The following ELP2 variants were observed in gnomAD, a reference collection of about 807,000 sequenced individuals.
ELP2 encodes the protein elongator complex protein 2.
In ELP2, 90 loss-of-function variants were observed where a neutral mutation model predicts 119.2. The observed-to-expected ratio is 0.75, with a 90% CI of 0.64 to 0.90. The LOEUF is 0.90. Ranked by LOEUF, ELP2 falls within the 40% of genes least tolerant of loss-of-function variation. The pLI is 0.00. For missense variants in ELP2, 921 were observed against 967.8 expected, an observed-to-expected ratio of 0.95 and a Z score of 0.64; for synonymous variants, 339 against 331.0, an observed-to-expected ratio of 1.02 and a Z score of -0.26.
chr18:36,144,936 T>G lies in ELP2; in HGVS notation c.797-3T>G. The G allele has an allele frequency of 1.2e-6, 2 of 1,608,678 alleles. No homozygotes were observed. The highest frequency in any genetic ancestry group is 1.7e-6 in the Non-Finnish European group (2 of 1,175,042). On this transcript the variant is annotated splice_region_variant and splice_polypyrimidine_tract_variant and intron_variant, in intron 8 of 21. Transcript: ENST00000358232. ...AATAATACCTTCATTGCTTTTGTTATAGGTGTTAAAATAGCATTTGCTGTT... is the reference window on the plus strand; with the variant it reads ...AATAATACCTTCATTGCTTTTGTTAGAGGTGTTAAAATAGCATTTGCTGTT...
At chr18:36,143,018 G>T in intron 8 of ELP2, 52 bp downstream of exon 8, 1 of 1,397,954 alleles carries the variant, frequency 7.2e-7, no homozygotes, top group African/African-American at 1.5e-5. Context: ...CTCCTAGTTG[G>T]TTGATTTTTT....
intron 5 of ELP2, chr18:36,139,711 G>T (rs1369274119): frequency 8.9e-7 from 1 of 1,123,416 alleles, no homozygotes; most frequent in Admixed American, 2.8e-5. Flanking sequence ...GGCAAGGCAT[G>T]TCCTTAGAAA....
At chr18:36,135,521 G>A (rs1009150598) in intron 2 of ELP2, among the ~76,000 whole-genome samples, 4 of 152,144 alleles carry the variant, frequency 2.6e-5, no homozygotes, top group African/African-American at 9.7e-5. Flanking sequence ...TAGTCCAGCT[G>A]CTTCCCTGAA....
intron 19 of ELP2, chr18:36,169,810 CTG>C (rs2091023550): frequency 3.8e-6 from 2 of 523,698 alleles, no homozygotes; most frequent in Admixed American, 6.0e-5. Context: ...AGACACCTCT[CTG>C]TGGTCTCTGG....
chr18:36,159,139 G>A (rs1204420646), intron 14 of ELP2, among the ~76,000 whole-genome samples: 1 of 145,938 alleles, frequency 6.9e-6, no homozygotes, highest in Non-Finnish European at 1.5e-5. Flanking sequence ...TTGAGACAGA[G>A]TCTTGCTCTG....
rs2090321214 is a variant in ELP2, at chr18:36,149,482, T to TG, written c.1125+3102dup. Among the ~76,000 whole-genome samples, 6 of 109,334 alleles carry TG rather than the reference T, an allele frequency of 5.5e-5. No homozygotes were observed. In the East Asian group the frequency reaches 1.5e-3, roughly 27 times the overall value. The allele number at this position is 109,334 out of a possible 152,430, so 71.7% of individuals were successfully genotyped here. On this transcript the variant is annotated intron_variant, in intron 11 of 21. Coordinates refer to ENST00000358232, the MANE Select transcript of ELP2 (RefSeq NM_018255.4). ...AACATAGTTGCAGGGTTTTTTGTTT[T>TG]GTTTTGTTTTTTTTTTTTTTGCTTA... is the stretch of plus-strand genomic sequence containing the variant.
chr18:36,132,423 T>G (rs1184142141), intron 1 of ELP2, among the ~76,000 whole-genome samples: 1 of 152,168 alleles, frequency 6.6e-6, no homozygotes, highest in African/African-American at 2.4e-5. Context: ...AACCTATATG[T>G]GAAATATATT....
Position 36,130,061 on chromosome 18 carries a change from A to C in ELP2, c.128A>C (p.Tyr43Ser), listed in dbSNP as rs1043963940. The C allele has an allele frequency of 1.9e-6, 3 of 1,614,112 alleles. No individual in the cohort carries two copies. The highest frequency in any genetic ancestry group is 2.5e-6 in the Non-Finnish European group (3 of 1,180,000). The change falls in exon 1 of 22, where the codon TAT becomes TCT. Residue 43 changes from tyrosine to serine, a missense_variant. Tyr to Ser is a moderately radical substitution (Grantham distance 144). Transcript: ENST00000358232. ...GGCACGTCCTGCTCCGTGGTGCTCT[A>C]TGACCCCCTGGTAAGAGAGGTCGCT... ...AFGTSCSVVL[Y>S]DPLKRVVVTN...
rs1489529955 is a variant in ELP2 at position 36,144,974 on chromosome 18, G to A, written c.832G>A (p.Val278Met). The A allele has an allele frequency of 6.2e-7, 1 of 1,614,016 alleles. No individual in the cohort carries two copies. The highest frequency in any genetic ancestry group is 1.7e-5 in the Admixed American group (1 of 60,028). Residue 278 changes from valine (V) to methionine (M), a missense_variant, in exon 9 of 22, where the codon GTG becomes ATG. Coordinates refer to ENST00000358232, the MANE Select transcript of ELP2 (RefSeq NM_018255.4). Reference sequence around the variant, plus strand: ...AGCATTTGCTGTTACTCTGGAGACAGTGCTAGCCGGTCATGAAAACTGGGT... The same window carrying A: ...AGCATTTGCTGTTACTCTGGAGACAATGCTAGCCGGTCATGAAAACTGGGT... Reference protein sequence around the residue: ...KIAFAVTLETVLAGHENWVNA... With the variant: ...KIAFAVTLETMLAGHENWVNA...
intron 11 of ELP2, among the ~76,000 whole-genome samples, chr18:36,154,428 A>G (rs2090499086): frequency 6.6e-6 from 1 of 152,214 alleles, no homozygotes; most frequent in Non-Finnish European, 1.5e-5. Context: ...TACATTTTAT[A>G]CAATTTTTAT....
intron 2 of ELP2, 96 bp from the exon 3 acceptor site, chr18:36,136,211 G>T: frequency 1.2e-6 from 1 of 860,766 alleles, no homozygotes; most frequent in South Asian, 1.4e-5. Flanking sequence ...TCTAGGTAGA[G>T]GGTACAGGGG....
chr18:36,174,201 A>T (rs965879424), intron 21 of ELP2, among the ~76,000 whole-genome samples: 15 of 152,304 alleles, frequency 9.8e-5, no homozygotes, highest in East Asian at 7.7e-4. Context: ...ACATTCATTT[A>T]AAAAAATTTT....
At chr18:36,137,929 G>A (rs1369564223) in intron 3 of ELP2, among the ~76,000 whole-genome samples, 1 of 152,044 alleles carries the variant, frequency 6.6e-6, no homozygotes, top group African/African-American at 2.4e-5. Context: ...CCTCCTGATG[G>A]GATGTGCTTA....
Position 36,138,947 on chromosome 18 carries a change from A to G in ELP2, c.523+75A>G, listed in dbSNP as rs537978540. ...GTCATATGATTAGAACCTAAAAGAAATGTATTGGGTCTTAATTTTGTATCT... is the reference window on the plus strand; with the variant it reads ...GTCATATGATTAGAACCTAAAAGAAGTGTATTGGGTCTTAATTTTGTATCT... On this transcript the variant is annotated intron_variant, in intron 5 of 21. Transcript: ENST00000358232. The G allele has an allele frequency of 1.2e-4, 125 of 1,085,990 alleles. No individual in the cohort carries two copies. The African/African-American group carries it at 1.6e-3, about 14-fold the overall frequency. The allele number at this position is 1,085,990 out of a possible 1,614,324, so 67.3% of individuals were successfully genotyped here. A position where few individuals can be genotyped will look rare whatever the true frequency, so the allele number is the denominator to read the frequency against.
In ELP2 at chr18:36,138,253, C is replaced by T. The variant is rs373862565; in HGVS notation, c.289-17C>T. The T allele has an allele frequency of 2.5e-6, 4 of 1,613,660 alleles. No homozygotes were observed. Among genetic ancestry groups the T allele is most frequent in the Non-Finnish European group, 3.4e-6 (4 of 1,179,844 alleles). On this transcript the variant is annotated splice_polypyrimidine_tract_variant and intron_variant, in intron 3 of 21. Coordinates refer to ENST00000358232, the MANE Select transcript of ELP2 (RefSeq NM_018255.4). ...ATCCTTTTTTTCACAATGCTTCTGTCATTCTTTCTGATTCAGCTTTTAAAA... is the reference window on the plus strand; with the variant it reads ...ATCCTTTTTTTCACAATGCTTCTGTTATTCTTTCTGATTCAGCTTTTAAAA...
At chr18:36,136,774 T>C (rs565460605) in intron 3 of ELP2, 10 of 172,638 alleles carry the variant, frequency 5.8e-5, no homozygotes, top group Non-Finnish European at 8.7e-5. Context: ...TTGTATGCTG[T>C]TAACTGTCTC....
rs1439340100 is a variant in ELP2 at position 36,175,213 on chromosome 18, A to G, written c.*572A>G. ...CTTTCTTCATGACTGGATTTGCCCA[A>G]TTTTGTGTTATTTTGGGACTTAATT... On this transcript the variant is annotated 3_prime_UTR_variant, in exon 22 of 22. Coordinates refer to ENST00000358232, the MANE Select transcript of ELP2 (RefSeq NM_018255.4). 6.6e-6 allele frequency: 1 copy of G among 152,286 alleles called. No individual in the cohort carries two copies. Among genetic ancestry groups the G allele is most frequent in the South Asian group, 2.1e-4 (1 of 4,840 alleles). 9.4% of individuals were successfully genotyped at this position (152,286 alleles called of 1,614,324 possible). A position where few individuals can be genotyped will look rare whatever the true frequency, so the allele number is the denominator to read the frequency against.
At chr18:36,145,129 T>C (rs568797740) in intron 9 of ELP2, 95 bp downstream of exon 9, 1 of 929,654 alleles carries the variant, frequency 1.1e-6, no homozygotes, top group Non-Finnish European at 1.8e-6. Flanking sequence ...TTACTGTGAT[T>C]AGAAATCTCA....
At chr18:36,154,758 G>A (rs1257289434) in intron 11 of ELP2, 92 bp from the exon 12 acceptor site, 12 of 1,420,622 alleles carry the variant, frequency 8.4e-6, no homozygotes, top group Admixed American at 1.7e-5. Flanking sequence ...TTGCCAGAGG[G>A]CTTTAGTCTT....
Sources: gnomAD v4.1 joint callset for allele counts (sites outside exome capture counted in the v4.1 genomes callset) on GRCh38, gnomAD v4.1.1 for gene constraint, MANE v1.5 for transcripts, NCBI Gene and HGNC (gene_info 2026-07-23, HGNC 2026-07-21) for gene names.